The following RALGPS2 variants were observed in gnomAD, a reference collection of about 807,000 sequenced individuals.
RALGPS2 encodes the protein Ral GEF with PH domain and SH3 binding motif 2, also known as ras-specific guanine nucleotide-releasing factor RalGPS2.
Under a neutral mutation model 86.8 loss-of-function variants are expected in RALGPS2, and 43 were observed. That is an observed-to-expected ratio of 0.50 (90% CI 0.39 to 0.64). The LOEUF (loss-of-function observed/expected upper bound fraction) is 0.64, where lower values mean the gene tolerates loss of function less well. Among genes scored for constraint, RALGPS2 ranks in the 30% least tolerant of loss-of-function variants. RALGPS2 has a pLI of 0.00. For synonymous variants in RALGPS2, 243 were observed against 231.3 expected, an observed-to-expected ratio of 1.05 and a Z score of -0.46; for missense variants, 536 against 694.6, an observed-to-expected ratio of 0.77 and a Z score of 2.57.
chr1:178,817,009 A>C (rs1655262104), intron 6 of RALGPS2, among the ~76,000 whole-genome samples: 1 of 151,888 alleles, frequency 6.6e-6, no homozygotes, highest in East Asian at 1.9e-4. Context: ...CACCCAGCCA[A>C]ATTAATTTTT....
chr1:178,839,244 G>A (rs988811778), intron 8 of RALGPS2, among the ~76,000 whole-genome samples: 4 of 152,168 alleles, frequency 2.6e-5, no homozygotes, highest in African/African-American at 4.8e-5. Flanking sequence ...AGGAAAAAAT[G>A]TTAAGGACAG....
chr1:178,874,935 G>T (rs941793846), intron 8 of RALGPS2, among the ~76,000 whole-genome samples: 1 of 152,182 alleles, frequency 6.6e-6, no homozygotes, highest in East Asian at 1.9e-4. Context: ...GTGAAATCAC[G>T]ATTCTCACAC....
chr1:178,728,616 T>C (rs1431529579), intron 1 of RALGPS2, among the ~76,000 whole-genome samples: 1 of 152,158 alleles, frequency 6.6e-6, no homozygotes, highest in Non-Finnish European at 1.5e-5. Context: ...TTCAAATAGC[T>C]TGAAACTACC....
intron 7 of RALGPS2, among the ~76,000 whole-genome samples, chr1:178,830,152 TTATA>T (rs1235220467): frequency 6.6e-6 from 1 of 152,228 alleles, no homozygotes; most frequent in African/African-American, 2.4e-5. Context: ...AATAATTTCA[TTATA>T]TATGTGTATT....
intron 8 of RALGPS2, chr1:178,864,904 T>C (rs1658282715): frequency 1.6e-6 from 2 of 1,268,196 alleles, no homozygotes. Context: ...TCATAAGGCA[T>C]AAAAATATAA....
At chr1:178,838,422 G>A (rs980452441) in intron 8 of RALGPS2, among the ~76,000 whole-genome samples, 7 of 152,308 alleles carry the variant, frequency 4.6e-5, no homozygotes, top group Non-Finnish European at 8.8e-5. Flanking sequence ...AGGGTCTGGA[G>A]TGGACCTCCA....
intron 7 of RALGPS2, 114 bp from the exon 8 acceptor site, chr1:178,833,310 G>C (rs1056914167): frequency 1.0e-6 from 1 of 995,178 alleles, no homozygotes; most frequent in African/African-American, 1.7e-5. Flanking sequence ...AATTAAAGAA[G>C]ATATAACTTT....
chr1:178,817,024 C>T (rs1232195913), intron 6 of RALGPS2, among the ~76,000 whole-genome samples: 2 of 151,754 alleles, frequency 1.3e-5, no homozygotes, highest in Non-Finnish European at 2.9e-5. Flanking sequence ...ATTTTTGTGT[C>T]TGGTGGAAGG....
At chr1:178,865,069 A>ACCTC in intron 8 of RALGPS2, 1 of 1,516,248 alleles carries the variant, frequency 6.6e-7, no homozygotes, top group East Asian at 2.3e-5. Context: ...GAATCTCGTT[A>ACCTC]CCTCCCAGCA....
chr1:178,849,294 A>G (rs545101661), intron 8 of RALGPS2, among the ~76,000 whole-genome samples: 3 of 152,158 alleles, frequency 2.0e-5, no homozygotes, highest in Non-Finnish European at 4.4e-5. Flanking sequence ...CTCTCCTCTC[A>G]AGAAACTTAG....
At chr1:178,872,572 T>G (rs1385242283) in intron 8 of RALGPS2, among the ~76,000 whole-genome samples, 2 of 152,244 alleles carry the variant, frequency 1.3e-5, no homozygotes, top group African/African-American at 4.8e-5. Context: ...CCTGTAATAC[T>G]TCCTGATTTT....
chr1:178,744,699 C>T (rs4617357), intron 1 of RALGPS2, among the ~76,000 whole-genome samples: 37,506 of 151,458 alleles, frequency 0.25, 5,195 homozygotes, highest in Non-Finnish European at 0.32. Flanking sequence ...TGCCTGTAAT[C>T]CCAGCTACTC....
At chr1:178,747,183 G>A (rs574927632) in intron 1 of RALGPS2, 11 of 1,107,886 alleles carry the variant, frequency 9.9e-6, no homozygotes, top group Middle Eastern at 4.0e-4. Context: ...GTGCTGGAGC[G>A]TCCAGTGCCT....
At chr1:178,773,759 G>C (rs957084689) in intron 1 of RALGPS2, among the ~76,000 whole-genome samples, 1 of 149,422 alleles carries the variant, frequency 6.7e-6, no homozygotes, top group Non-Finnish European at 1.5e-5. Context: ...TCCCGCCACT[G>C]CACTCCAGCC....
At chr1:178,875,234 G>A (rs973253712) in intron 8 of RALGPS2, among the ~76,000 whole-genome samples, 4 of 152,184 alleles carry the variant, frequency 2.6e-5, no homozygotes, top group Admixed American at 2.0e-4. Context: ...AGGATACCCA[G>A]TAATCTTTTT....
intron 8 of RALGPS2, among the ~76,000 whole-genome samples, chr1:178,836,962 G>A (rs1056491298): frequency 1.2e-4 from 18 of 151,906 alleles, no homozygotes; most frequent in African/African-American, 3.6e-4. Flanking sequence ...AATTTTTTTT[G>A]TAGAGACAGG....
chr1:178,916,479 G>A lies in RALGPS2; in HGVS notation c.*120G>A, dbSNP rs1219726608. ...AGAGCCCAGAGGCTCTGTCTCAGTCGTTGGAGTTCTCAACCAAAAAAGCAC... is the reference window on the plus strand; with the variant it reads ...AGAGCCCAGAGGCTCTGTCTCAGTCATTGGAGTTCTCAACCAAAAAAGCAC... On this transcript the variant is annotated 3_prime_UTR_variant, in exon 20 of 20. Coordinates refer to ENST00000367635, the MANE Select transcript of RALGPS2 (RefSeq NM_152663.5). 33 of 907,502 alleles carry A rather than the reference G, an allele frequency of 3.6e-5. No homozygotes were observed. The South Asian group carries it at 4.6e-4, about 13-fold the overall frequency. 56.2% of individuals were successfully genotyped at this position (907,502 alleles called of 1,614,324 possible).
intron 8 of RALGPS2, among the ~76,000 whole-genome samples, chr1:178,861,798 A>T (rs1217661138): frequency 6.6e-6 from 1 of 152,076 alleles, no homozygotes; most frequent in African/African-American, 2.4e-5. Context: ...TCTGTTTTTT[A>T]TTTCTATACC....
At position 178,776,753 on chromosome 1, in the gene RALGPS2, G is replaced by C. The variant is rs1653105686; in HGVS notation, c.-12G>C. ...TGCTGTTAACATAAGGTCAGGGACT[G>C]ATGAGGAAAGCATGGACCTAATGAA... On this transcript the variant is annotated 5_prime_UTR_variant, in exon 2 of 20. Transcript: ENST00000367635. The C allele has an allele frequency of 5.6e-6, 9 of 1,610,272 alleles. No homozygotes were observed. In the East Asian group the frequency reaches 2.0e-4, roughly 36 times the overall value.
Sources: allele counts gnomAD v4.1 joint callset (sites outside exome capture counted in the v4.1 genomes callset), GRCh38; gene constraint gnomAD v4.1.1; transcripts MANE v1.5; gene names NCBI Gene and HGNC (gene_info 2026-07-23, HGNC 2026-07-21).